TENM3: variants seen among roughly 807,000 people sequenced by gnomAD.
TENM3 encodes the protein teneurin transmembrane protein 3.
Under a neutral mutation model 255.1 loss-of-function variants are expected in TENM3, and 63 were observed. The observed-to-expected ratio is 0.25, with a 90% CI of 0.20 to 0.30. TENM3 has a LOEUF of 0.30. TENM3 is among the 10% of genes least tolerant of loss of function. The probability of loss-of-function intolerance (pLI) is 1.00; values close to 1 mark genes in which losing one functional copy is unlikely to be tolerated. For synonymous variants in TENM3, 1,306 were observed against 1,322.3 expected (o/e 0.99, Z 0.27); for missense variants, 2,929 against 3,461.1 (o/e 0.85, Z 3.86).
chr4:181,656,253 G>A, the TENM3 span, among the ~76,000 whole-genome samples: 2 of 152,142 alleles, frequency 1.3e-5, no homozygotes, highest in Non-Finnish European at 2.9e-5. Context: ...ACCCCACAAT[G>A]TAGAAAGGAT....
In TENM3 at chr4:182,789,521, G is replaced by A. The variant is rs1158502502; in HGVS notation, c.5601+132G>A. On this transcript the variant is annotated intron_variant, in intron 25 of 27. Transcript: ENST00000511685. The surrounding 1 kb of genome is among the most constrained non-coding windows in gnomAD (Gnocchi z 4.4). ...CATTTGTTATTCGAAGTATCAATACGGAAGTCACATTGGCACAGCAGTGAT... is the reference window on the plus strand; with the variant it reads ...CATTTGTTATTCGAAGTATCAATACAGAAGTCACATTGGCACAGCAGTGAT... The A allele has an allele frequency of 1.6e-5, 14 of 882,672 alleles. 1 individual carries two copies. In the East Asian group the frequency reaches 1.9e-4, roughly 12 times the overall value. 54.7% of individuals were successfully genotyped at this position (882,672 alleles called of 1,614,324 possible).
Position 182,287,835 on chromosome 4 carries a change from T to C in TENM3, c.-75-36111T>C, listed in dbSNP as rs183684510. Among the ~76,000 whole-genome samples the C allele has an allele frequency of 1.0e-3, 156 of 152,222 alleles. 1 individual carries two copies. Among genetic ancestry groups the C allele is most frequent in the African/African-American group, 3.6e-3 (149 of 41,546 alleles). On this transcript the variant is annotated intron_variant, in intron 1 of 27. Coordinates refer to ENST00000511685, the MANE Select transcript of TENM3 (RefSeq NM_001080477.4). ...GGTTTCACCATATTGGCCAGGCTGG[T>C]CTCGAACTCCTGACCTCGTGATCCG...
chr4:182,018,453 C>CA, the TENM3 span, among the ~76,000 whole-genome samples: 2 of 152,120 alleles, frequency 1.3e-5, no homozygotes, highest in African/African-American at 4.8e-5. Context: ...TTATTTGCTT[C>CA]AGAAAGCCTC....
At chr4:182,753,668 A>G in intron 21 of TENM3, 64 bp downstream of exon 21, 2 of 1,498,664 alleles carry the variant, frequency 1.3e-6, no homozygotes, top group Non-Finnish European at 1.8e-6. Context: ...TTCAGTCGGT[A>G]GACTATGATG....
chr4:182,755,416 C>A, intron 22 of TENM3, 157 bp downstream of exon 22: 1 of 677,280 alleles, frequency 1.5e-6, no homozygotes, highest in Non-Finnish European at 2.4e-6. Context: ...GTGGCTCATT[C>A]CCGTAGTCTC....
rs1764850045 is a variant in TENM3 at position 182,346,831 on chromosome 4, G to C, written c.413G>C (p.Gly138Ala). ...CATGCCATGAGACTTTGGGGCAGGGGGGTCAAATCAGGCCGCAGCTCCTGC... is the reference window on the plus strand; with the variant it reads ...CATGCCATGAGACTTTGGGGCAGGGCGGTCAAATCAGGCCGCAGCTCCTGC... ...PEHAMRLWGRGVKSGRSSCLS... is the reference protein window; with the variant it reads ...PEHAMRLWGRAVKSGRSSCLS... Residue 138 changes from glycine (G) to alanine (A), a missense_variant, in exon 3 of 28, where the codon GGG becomes GCG. Around this residue, in one of 6 missense-constraint regions of TENM3, gnomAD observed 283 missense variants for 256.9 expected, o/e 1.10. Coordinates refer to ENST00000511685, the MANE Select transcript of TENM3 (RefSeq NM_001080477.4). 2 of 1,613,260 alleles carry C rather than the reference G, an allele frequency of 1.2e-6. No individual in the cohort carries two copies. Among genetic ancestry groups the C allele is most frequent in the Admixed American group, 1.7e-5 (1 of 59,924 alleles).
chr4:181,767,251 C>CAAAAAAAAA, the TENM3 span, among the ~76,000 whole-genome samples: 1 of 75,720 alleles, frequency 1.3e-5, no homozygotes, highest in African/African-American at 4.9e-5. Flanking sequence ...GACTCCGTCT[C>CAAAAAAAAA]AAAAAAAAAA....
chr4:182,290,163 G>A (rs1761023991), intron 1 of TENM3, among the ~76,000 whole-genome samples: 1 of 152,204 alleles, frequency 6.6e-6, no homozygotes, highest in South Asian at 2.1e-4. Flanking sequence ...TATTCTGTGT[G>A]TCTCCAGATC....
chr4:182,001,110 G>A, the TENM3 span, among the ~76,000 whole-genome samples: 1 of 145,310 alleles, frequency 6.9e-6, no homozygotes, highest in African/African-American at 2.5e-5. Context: ...CAAGGTATTT[G>A]TATTCAAATC....
the TENM3 span, among the ~76,000 whole-genome samples, chr4:181,996,271 G>A: frequency 2.6e-5 from 4 of 152,128 alleles, no homozygotes; most frequent in East Asian, 1.9e-4. Context: ...AGTGAAGGAT[G>A]AAGTGGCTGG....
chr4:182,640,249 C>T (rs74401931), intron 5 of TENM3, among the ~76,000 whole-genome samples: 9,007 of 152,070 alleles, frequency 0.059, 387 homozygotes, highest in African/African-American at 0.12. Flanking sequence ...TACTGACTTA[C>T]AAAATAATAC....
the TENM3 span, among the ~76,000 whole-genome samples, chr4:181,839,347 A>ATG: frequency 1.5e-4 from 2 of 13,000 alleles, no homozygotes; most frequent in Non-Finnish European, 7.5e-4. Flanking sequence ...TATTGAGGGT[A>ATG]TATATATATA....
At chr4:181,616,382 A>C in the TENM3 span, among the ~76,000 whole-genome samples, 3 of 144,964 alleles carry the variant, frequency 2.1e-5, no homozygotes, top group African/African-American at 7.7e-5. Context: ...ATATATATAT[A>C]TCAATAGGAT....
chr4:181,902,166 A>G, the TENM3 span, among the ~76,000 whole-genome samples: 1 of 139,478 alleles, frequency 7.2e-6, no homozygotes, highest in African/African-American at 2.7e-5. Context: ...AGATAGGTAT[A>G]TTTGTATATC....
chr4:182,048,168 T>C, the TENM3 span, among the ~76,000 whole-genome samples: 2 of 152,224 alleles, frequency 1.3e-5, no homozygotes, highest in African/African-American at 4.8e-5. Context: ...AAGTTCCTTA[T>C]TGTACAAATT....
chr4:181,526,498 C>T, the TENM3 span, among the ~76,000 whole-genome samples: 1 of 152,132 alleles, frequency 6.6e-6, no homozygotes, highest in Non-Finnish European at 1.5e-5. Context: ...CTCAGCCAAA[C>T]AGGAGTAGGA....
the TENM3 span, among the ~76,000 whole-genome samples, chr4:181,690,245 C>CACAT: frequency 7.6e-6 from 1 of 131,068 alleles, no homozygotes; most frequent in Admixed American, 7.5e-5. Flanking sequence ...AGCGTGCACA[C>CACAT]ACACACACAC....
chr4:182,571,193 T>C (rs1025780358), intron 3 of TENM3, among the ~76,000 whole-genome samples: 2 of 152,162 alleles, frequency 1.3e-5, no homozygotes, highest in African/African-American at 2.4e-5. Flanking sequence ...TGTATTATCA[T>C]GAGGACATGC....
intron 24 of TENM3, among the ~76,000 whole-genome samples, chr4:182,783,326 G>A (rs1020741329): frequency 1.3e-5 from 2 of 151,034 alleles, no homozygotes; most frequent in Non-Finnish European, 3.0e-5. Flanking sequence ...GCTTAGTTTG[G>A]CTGGATATGA....
Sources: allele counts gnomAD v4.1 joint callset (sites outside exome capture counted in the v4.1 genomes callset), GRCh38; gene constraint gnomAD v4.1.1; regional missense constraint gnomAD v4.1.1; non-coding constraint Gnocchi (gnomAD v3.1); transcripts MANE v1.5; gene names NCBI Gene and HGNC (gene_info 2026-07-23, HGNC 2026-07-21).